GBF1: variants seen among roughly 807,000 people sequenced by gnomAD.
GBF1 encodes the protein Golgi-specific brefeldin A-resistance guanine nucleotide exchange factor 1.
In GBF1, 114 loss-of-function variants were observed where a neutral mutation model predicts 210.5. The observed-to-expected ratio is 0.54, with a 90% confidence interval of 0.47 to 0.63. The LOEUF (loss-of-function observed/expected upper bound fraction) is 0.63. Ranked by LOEUF, GBF1 falls within the 30% of genes least tolerant of loss-of-function variation. The pLI is 0.00. For missense variants in GBF1, 1,851 were observed against 2,357.7 expected, an observed-to-expected ratio of 0.79 and a Z score of 4.45; for synonymous variants, 850 against 889.2, an observed-to-expected ratio of 0.96 and a Z score of 0.78.
intron 3 of GBF1, among the ~76,000 whole-genome samples, chr10:102,291,284 A>G (rs1277317448): frequency 6.6e-6 from 1 of 152,160 alleles, no homozygotes; most frequent in African/African-American, 2.4e-5. Flanking sequence ...CTTACAGAGA[A>G]GTGCATCAAC....
intron 3 of GBF1, among the ~76,000 whole-genome samples, chr10:102,319,748 GAC>G (rs1286459828): frequency 5.8e-5 from 7 of 120,886 alleles, no homozygotes; most frequent in Non-Finnish European, 1.0e-4. Flanking sequence ...TTTTTTTTGA[GAC>G]AGAGTTTCAC....
chr10:102,268,681 CA>C (rs1193219456), intron 3 of GBF1, among the ~76,000 whole-genome samples: 1 of 152,096 alleles, frequency 6.6e-6, no homozygotes, highest in African/African-American at 2.4e-5. Flanking sequence ...CAGAAGAAGC[CA>C]AATGCTTGAA....
At chr10:102,262,419 C>T (rs1481679407) in intron 3 of GBF1, among the ~76,000 whole-genome samples, 1 of 151,924 alleles carries the variant, frequency 6.6e-6, no homozygotes, top group Non-Finnish European at 1.5e-5. Flanking sequence ...ATTTACAGTT[C>T]TTTTTGTTTG....
chr10:102,280,202 G>A (rs984374837), intron 3 of GBF1, among the ~76,000 whole-genome samples: 4 of 152,168 alleles, frequency 2.6e-5, no homozygotes, highest in Non-Finnish European at 4.4e-5. Flanking sequence ...AAGAGGAAAG[G>A]GGCAGAAGCA....
At chr10:102,376,229 C>T (rs903246263) in intron 30 of GBF1, 43 bp from the exon 31 acceptor site, 1 of 1,537,882 alleles carries the variant, frequency 6.5e-7, no homozygotes, top group African/African-American at 1.4e-5. Context: ...ATCCCAGTGC[C>T]CCATCCCCAC....
At chr10:102,288,366 A>G (rs2076133863) in intron 3 of GBF1, among the ~76,000 whole-genome samples, 2 of 152,158 alleles carry the variant, frequency 1.3e-5, no homozygotes, top group Admixed American at 6.5e-5. Flanking sequence ...TTTGGATTCT[A>G]TCCAGGATCT....
chr10:102,267,450 G>A (rs371016951), intron 3 of GBF1, among the ~76,000 whole-genome samples: 1 of 152,194 alleles, frequency 6.6e-6, no homozygotes, highest in Non-Finnish European at 1.5e-5. Flanking sequence ...ATTGCAGTGA[G>A]CTGAGATCGT....
In GBF1 at chr10:102,363,413, C is replaced by A; in HGVS notation, c.2017+17C>A. ...ACTCTGGGGGTGGGTACTGGGTGTCCATGACCCTAAGCTCCTCACCTGGAG... is the reference window on the plus strand; with the variant it reads ...ACTCTGGGGGTGGGTACTGGGTGTCAATGACCCTAAGCTCCTCACCTGGAG... On this transcript the variant is annotated intron_variant, in intron 16 of 39. Transcript: ENST00000369983. The surrounding 1 kb of genome is among the most constrained non-coding windows in gnomAD (Gnocchi z 4.2). 1 of 1,608,416 alleles carries A rather than the reference C, an allele frequency of 6.2e-7. No individual in the cohort carries two copies. The highest frequency in any genetic ancestry group is 1.1e-5 in the South Asian group (1 of 90,206).
rs2135199633 is a variant in GBF1, at chr10:102,369,399, T to C, written c.3150+12T>C. On this transcript the variant is annotated intron_variant, in intron 24 of 39. Coordinates refer to ENST00000369983, the MANE Select transcript of GBF1 (RefSeq NM_001377137.1). ...AGGCTATGATAGAGGTAATTCTTAG[T>C]AGGAGACTAGTGAGCGATAACAAGG... 1.3e-6 allele frequency: 2 copies of C among 1,596,996 alleles called. No individual in the cohort carries two copies. The highest frequency in any genetic ancestry group is 1.7e-4 in the Middle Eastern group (1 of 6,030).
chr10:102,370,613 G>A (rs1177220310), intron 28 of GBF1, 94 bp from the exon 29 acceptor site: 13 of 1,359,172 alleles, frequency 9.6e-6, no homozygotes, highest in Non-Finnish European at 3.1e-6. Context: ...GTCTACTTAG[G>A]GTATAATACC....
chr10:102,369,160 C>T (rs1438915277), intron 23 of GBF1, 51 bp from the exon 24 acceptor site: 1 of 1,362,470 alleles, frequency 7.3e-7, no homozygotes, highest in Non-Finnish European at 1.0e-6. Flanking sequence ...AAGAGATTTT[C>T]CTTTCCAGAC....
At chr10:102,250,184 G>C (rs1003999005) in intron 1 of GBF1, among the ~76,000 whole-genome samples, 1 of 152,162 alleles carries the variant, frequency 6.6e-6, no homozygotes, top group African/African-American at 2.4e-5. Context: ...GAATTTATTT[G>C]CTAGTTGGAT....
chr10:102,245,142 T>A (rs1246844517), upstream of GBF1, among the ~76,000 whole-genome samples: 6 of 151,742 alleles, frequency 4.0e-5, no homozygotes, highest in African/African-American at 1.5e-4. Flanking sequence ...GACAGGGGAG[T>A]AGGGATGCCC....
In GBF1 at chr10:102,376,634, C is replaced by T. The variant is rs767607398; in HGVS notation, c.4122C>T (p.Tyr1374=). 6.2e-7 allele frequency: 1 copy of T among 1,613,746 alleles called. No homozygotes were observed. Among genetic ancestry groups the T allele is most frequent in the Admixed American group, 1.7e-5 (1 of 59,990 alleles). Residue 1374 remains tyrosine (Y), a synonymous_variant, in exon 32 of 40, where the codon TAC becomes TAT. Coordinates refer to ENST00000369983, the MANE Select transcript of GBF1 (RefSeq NM_001377137.1). ...GCCCTTCACCCCTGATCAATCAATA[C>T]AGCCTAACAGTGGGACTGGATTTGG... ...RPGPSPLINQ[Y]SLTVGLDLGP...
chr10:102,271,737 CTAT>C (rs1367690339), intron 3 of GBF1, among the ~76,000 whole-genome samples: 3 of 151,932 alleles, frequency 2.0e-5, no homozygotes, highest in African/African-American at 7.3e-5. Flanking sequence ...CATATTATTA[CTAT>C]TATTATTATC....
rs879575033 is a variant in GBF1, at chr10:102,260,473, C to CTTTTTTTTTTTTTTTTT, written c.163+359_163+360insTTTTTTTTTTTTTTTTT. On this transcript the variant is annotated intron_variant, in intron 3 of 39. Transcript: ENST00000369983. Reference sequence around the variant, plus strand: ...CTGTGCCTGGCCTATATTTTCCTTTCTTCTTTTTTTTTTTTTTTTTTTTTT... The same window carrying CTTTTTTTTTTTTTTTTT: ...CTGTGCCTGGCCTATATTTTCCTTTCTTTTTTTTTTTTTTTTTTTCTTTTTTTTTTTTTTTTTTTTTT... Among the ~76,000 whole-genome samples, 14 of 74,782 alleles carry CTTTTTTTTTTTTTTTTT rather than the reference C, an allele frequency of 1.9e-4. 1 individual carries two copies. Among genetic ancestry groups the CTTTTTTTTTTTTTTTTT allele is most frequent in the African/African-American group, 2.8e-4 (4 of 14,362 alleles). 49.1% of individuals were successfully genotyped at this position (74,782 alleles called of 152,430 possible). A position where few individuals can be genotyped will look rare whatever the true frequency, so the allele number is the denominator to read the frequency against.
chr10:102,381,363 G>C, intron 39 of GBF1, 108 bp downstream of exon 39: 1 of 1,129,644 alleles, frequency 8.9e-7, no homozygotes, highest in Non-Finnish European at 1.3e-6. Flanking sequence ...GTGAGCCGAG[G>C]GAAGAAGGCC....
At chr10:102,330,512 C>A (rs186290743) in intron 3 of GBF1, among the ~76,000 whole-genome samples, 8 of 152,010 alleles carry the variant, frequency 5.3e-5, no homozygotes, top group Admixed American at 2.0e-4. Context: ...GGCGAAACCC[C>A]GTCTCTACTA....
At chr10:102,376,846 A>G in intron 32 of GBF1, 46 bp downstream of exon 32, 16 of 1,609,682 alleles carry the variant, frequency 9.9e-6, no homozygotes, top group Non-Finnish European at 1.4e-5. Flanking sequence ...CCATGCAATT[A>G]TGCAGGGGAG....
Sources: allele counts gnomAD v4.1 joint callset (sites outside exome capture counted in the v4.1 genomes callset), GRCh38; gene constraint gnomAD v4.1.1; non-coding constraint Gnocchi (gnomAD v3.1); transcripts MANE v1.5; gene names NCBI Gene and HGNC (gene_info 2026-07-23, HGNC 2026-07-21).